The following UBE3D variants were observed in gnomAD, a reference collection of about 807,000 sequenced individuals.
UBE3D encodes E3 ubiquitin-protein ligase E3D.
UBE3D carries 48 observed loss-of-function variants against 49.6 expected under a neutral mutation model. That is an observed-to-expected ratio of 0.97 (90% CI 0.77 to 1.23). The LOEUF is 1.23. Among genes scored for constraint, UBE3D ranks in the 50% most tolerant of loss-of-function variants. UBE3D has a pLI of 0.00. For missense variants in UBE3D, 452 were observed against 468.4 expected, an observed-to-expected ratio of 0.96 and a Z score of 0.32; for synonymous variants, 189 against 174.2, an observed-to-expected ratio of 1.08 and a Z score of -0.67.
At chr6:82,989,872 T>C (rs1778769329) in intron 8 of UBE3D, among the ~76,000 whole-genome samples, 1 of 152,248 alleles carries the variant, frequency 6.6e-6, no homozygotes, top group South Asian at 2.1e-4. Flanking sequence ...CTGCTTCCTC[T>C]GAACAAAACA....
At chr6:83,049,577 G>A in intron 3 of UBE3D, 1 of 279,330 alleles carries the variant, frequency 3.6e-6, no homozygotes, top group Middle Eastern at 4.4e-4. Context: ...ATTGTAGCTG[G>A]TCTGCCAAGT....
At chr6:83,062,449 C>T (rs570376232) in intron 1 of UBE3D, among the ~76,000 whole-genome samples, 45 of 152,258 alleles carry the variant, frequency 3.0e-4, no homozygotes, top group African/African-American at 1.1e-3. Context: ...AGAATCTGCC[C>T]TCAGGAACCA....
At chr6:82,949,397 G>A (rs907690305) in intron 9 of UBE3D, among the ~76,000 whole-genome samples, 1 of 151,992 alleles carries the variant, frequency 6.6e-6, no homozygotes, top group Admixed American at 6.6e-5. Context: ...GATATTTCAT[G>A]TTCATGGACT....
chr6:82,974,727 G>C (rs1435021775), intron 8 of UBE3D, among the ~76,000 whole-genome samples: 3 of 151,276 alleles, frequency 2.0e-5, no homozygotes, highest in African/African-American at 4.9e-5. Context: ...TAAAGTAATT[G>C]TAAGAAAGCT....
intron 8 of UBE3D, among the ~76,000 whole-genome samples, chr6:82,984,375 T>G (rs901763133): frequency 2.6e-5 from 4 of 152,228 alleles, no homozygotes; most frequent in Admixed American, 2.6e-4. Context: ...AATAGTCGTA[T>G]GCATGTGTCC....
At chr6:82,989,705 T>C (rs1778755357) in intron 8 of UBE3D, among the ~76,000 whole-genome samples, 1 of 152,186 alleles carries the variant, frequency 6.6e-6, no homozygotes, top group Non-Finnish European at 1.5e-5. Flanking sequence ...TTAAGGACAC[T>C]TTGAAAGGGA....
In UBE3D at chr6:83,035,479, G is replaced by C. The variant is rs575988179; in HGVS notation, c.667+2937C>G. Among the ~76,000 whole-genome samples, 5 of 152,328 alleles carry C rather than the reference G, an allele frequency of 3.3e-5. No individual in the cohort carries two copies. In the East Asian group the frequency reaches 7.7e-4, roughly 23 times the overall value. ...TTCATATTTGACTGATAGCTCGACT[G>C]TGTATAGAATTCTGGGCTGAAATCT... On this transcript the variant is annotated intron_variant, in intron 5 of 9. Transcript: ENST00000369747.
chr6:83,031,226 C>G (rs760253485), intron 5 of UBE3D, among the ~76,000 whole-genome samples: 1 of 152,162 alleles, frequency 6.6e-6, no homozygotes, highest in Non-Finnish European at 1.5e-5. Context: ...CCAGGCTGGT[C>G]TTGAACTCCT....
At chr6:82,974,610 A>T (rs1250788967) in intron 8 of UBE3D, among the ~76,000 whole-genome samples, 1 of 151,878 alleles carries the variant, frequency 6.6e-6, no homozygotes, top group South Asian at 2.1e-4. Flanking sequence ...TAATCCTCTG[A>T]TGAGGAAACT....
chr6:82,936,200 G>A (rs575105013), intron 9 of UBE3D, among the ~76,000 whole-genome samples: 23 of 152,090 alleles, frequency 1.5e-4, no homozygotes, highest in Non-Finnish European at 2.9e-4. Flanking sequence ...GATTGTAGAC[G>A]TCAGTCTAAC....
intron 1 of UBE3D, among the ~76,000 whole-genome samples, chr6:83,064,201 A>G (rs2127866072): frequency 6.6e-6 from 1 of 152,296 alleles, no homozygotes; most frequent in Admixed American, 6.5e-5. Flanking sequence ...TAAGTCCAGC[A>G]AAGTTAGGTT....
At chr6:83,023,182 G>A (rs1451845928) in intron 6 of UBE3D, among the ~76,000 whole-genome samples, 2 of 152,130 alleles carry the variant, frequency 1.3e-5, no homozygotes, top group Non-Finnish European at 2.9e-5. Context: ...TAAAACATAG[G>A]AGTCATTTGA....
At chr6:83,008,522 C>T (rs556646379) in intron 8 of UBE3D, among the ~76,000 whole-genome samples, 1 of 152,232 alleles carries the variant, frequency 6.6e-6, no homozygotes, top group African/African-American at 2.4e-5. Context: ...AAAAACAATA[C>T]ACTTCAAAGT....
intron 8 of UBE3D, among the ~76,000 whole-genome samples, chr6:83,014,782 A>G (rs1284578005): frequency 6.6e-6 from 1 of 151,950 alleles, no homozygotes; most frequent in African/African-American, 2.4e-5. Flanking sequence ...CCTCAAGGGG[A>G]CCCGGACTCC....
chr6:82,956,358 T>C (rs1776156319), intron 9 of UBE3D, among the ~76,000 whole-genome samples: 1 of 152,192 alleles, frequency 6.6e-6, no homozygotes. Flanking sequence ...CAAGTTAACA[T>C]TTAATTCTCA....
At chr6:82,909,230 T>C (rs1316576975) in intron 9 of UBE3D, among the ~76,000 whole-genome samples, 1 of 152,200 alleles carries the variant, frequency 6.6e-6, no homozygotes, top group Non-Finnish European at 1.5e-5. Context: ...TGCTGTGAAC[T>C]AGTAGTTTAG....
intron 7 of UBE3D, among the ~76,000 whole-genome samples, chr6:83,020,337 TACTG>T (rs1187058320): frequency 1.0e-5 from 1 of 98,180 alleles, no homozygotes; most frequent in East Asian, 3.7e-4. Flanking sequence ...AATCATGTGA[TACTG>T]TTTTTTTTTT....
chr6:82,931,807 G>A (rs757056108), intron 9 of UBE3D, among the ~76,000 whole-genome samples: 4 of 152,068 alleles, frequency 2.6e-5, no homozygotes, highest in East Asian at 3.9e-4. Context: ...CTTTGGACTC[G>A]GATTGGGTTT....
intron 5 of UBE3D, among the ~76,000 whole-genome samples, chr6:83,035,836 T>G (rs536417250): frequency 6.6e-6 from 1 of 152,176 alleles, no homozygotes; most frequent in South Asian, 2.1e-4. Context: ...CTTTCTAGAA[T>G]TTCTATAAGC....
Sources: gnomAD v4.1 joint callset for allele counts (sites outside exome capture counted in the v4.1 genomes callset) on GRCh38, gnomAD v4.1.1 for gene constraint, MANE v1.5 for transcripts, NCBI Gene and HGNC (gene_info 2026-07-23, HGNC 2026-07-21) for gene names.